The following RAB3GAP2 variants were observed in gnomAD, a reference collection of about 807,000 sequenced individuals.
The protein encoded by RAB3GAP2 is RAB3 GTPase activating non-catalytic protein subunit 2.
Under a neutral mutation model 185.3 loss-of-function variants are expected in RAB3GAP2, and 87 were observed. That is an observed-to-expected ratio of 0.47 (90% CI 0.39 to 0.56). RAB3GAP2 has a LOEUF of 0.56. Among genes scored for constraint, RAB3GAP2 ranks in the 20% least tolerant of loss-of-function variants. The probability of loss-of-function intolerance (pLI) is 0.00; values close to 1 mark genes in which losing one functional copy is unlikely to be tolerated. For synonymous variants in RAB3GAP2, 554 were observed against 576.1 expected, an observed-to-expected ratio of 0.96 and a Z score of 0.55; for missense variants, 1,492 against 1,638.2, an observed-to-expected ratio of 0.91 and a Z score of 1.54.
chr1:220,226,775 C>T (rs1450362569), intron 2 of RAB3GAP2, among the ~76,000 whole-genome samples: 2 of 152,120 alleles, frequency 1.3e-5, no homozygotes, highest in Admixed American at 1.3e-4. Context: ...TGCCCCCACC[C>T]CAATTCATAT....
intron 1 of RAB3GAP2, among the ~76,000 whole-genome samples, chr1:220,250,486 TTTGGAC>T (rs1659912634): frequency 6.6e-6 from 1 of 152,226 alleles, no homozygotes; most frequent in Admixed American, 6.5e-5. Flanking sequence ...GAGATGATAC[TTTGGAC>T]TTGAACATTT....
Position 220,185,952 on chromosome 1 carries a change from A to G in RAB3GAP2, c.1780-211T>C, listed in dbSNP as rs540504102. Among the ~76,000 whole-genome samples, 4 of 152,344 alleles carry G rather than the reference A, an allele frequency of 2.6e-5. No homozygotes were observed. In the East Asian group the frequency reaches 7.7e-4, roughly 29 times the overall value. ...TCATGCCAAATATGACATAAATGAC[A>G]AAAATCCAGGCTGAGAATAAAACAA... On this transcript the variant is annotated intron_variant, in intron 17 of 34. Coordinates refer to ENST00000358951, the MANE Select transcript of RAB3GAP2 (RefSeq NM_012414.4).
chr1:220,215,000 T>C (rs1659163794), intron 2 of RAB3GAP2, among the ~76,000 whole-genome samples: 1 of 138,226 alleles, frequency 7.2e-6, no homozygotes, highest in African/African-American at 2.7e-5. Context: ...CTTTTTTCTC[T>C]TAACATATTC....
At position 220,257,806 on chromosome 1, in the gene RAB3GAP2, A is replaced by G. The variant is rs1403983060; in HGVS notation, c.115+14417T>C. ...CATTCAGGAGCTGGTTTTTTAAAAA[A>G]ATTAATAAAATAGATAGAACTCTAG... On this transcript the variant is annotated intron_variant, in intron 1 of 34. Transcript: ENST00000358951. Among the ~76,000 whole-genome samples the G allele has an allele frequency of 3.3e-5, 5 of 152,074 alleles. No individual in the cohort carries two copies. In the East Asian group the frequency reaches 7.7e-4, roughly 23 times the overall value.
intron 17 of RAB3GAP2, among the ~76,000 whole-genome samples, chr1:220,187,103 A>G (rs553636332): frequency 6.6e-6 from 1 of 151,466 alleles, no homozygotes; most frequent in Non-Finnish European, 1.5e-5. Context: ...ACTATTCACT[A>G]AATTCTCCCA....
chr1:220,220,478 G>C (rs986741007), intron 2 of RAB3GAP2: 1 of 152,446 alleles, frequency 6.6e-6, no homozygotes, highest in Non-Finnish European at 1.5e-5. Context: ...GCATCATCAC[G>C]AGTAGGATCC....
intron 21 of RAB3GAP2, among the ~76,000 whole-genome samples, chr1:220,181,014 G>A (rs1027160488): frequency 6.6e-6 from 1 of 151,976 alleles, no homozygotes; most frequent in Non-Finnish European, 1.5e-5. Flanking sequence ...TTCCCTCAAC[G>A]GTACAGTTTT....
intron 21 of RAB3GAP2, among the ~76,000 whole-genome samples, chr1:220,174,007 G>A (rs868255696): frequency 1.0e-4 from 14 of 134,096 alleles, no homozygotes; most frequent in Admixed American, 7.4e-4. Context: ...GCTACAGAGC[G>A]AGACTCTGTC....
chr1:220,249,018 T>C (rs1345009620), intron 1 of RAB3GAP2, among the ~76,000 whole-genome samples: 1 of 152,224 alleles, frequency 6.6e-6, no homozygotes, highest in African/African-American at 2.4e-5. Flanking sequence ...GTCTCAGGTA[T>C]GTCCTGATGG....
chr1:220,234,859 G>A (rs1433699616), intron 1 of RAB3GAP2, among the ~76,000 whole-genome samples: 1 of 152,180 alleles, frequency 6.6e-6, no homozygotes, highest in African/African-American at 2.4e-5. Flanking sequence ...GAATGAAAGA[G>A]GCAGAAAGAT....
At chr1:220,184,245 A>G in intron 18 of RAB3GAP2, 82 bp from the exon 19 acceptor site, 2 of 1,275,962 alleles carry the variant, frequency 1.6e-6, no homozygotes, top group Non-Finnish European at 1.1e-6. Flanking sequence ...AAATCTCTCA[A>G]TATTATGTAA....
intron 18 of RAB3GAP2, 63 bp from the exon 19 acceptor site, chr1:220,184,226 G>C: frequency 4.2e-6 from 6 of 1,442,710 alleles, no homozygotes; most frequent in Non-Finnish European, 4.8e-6. Context: ...AACAGGCTTT[G>C]CTTTCATTAA....
At chr1:220,254,811 G>C (rs761865729) in intron 1 of RAB3GAP2, among the ~76,000 whole-genome samples, 3 of 151,584 alleles carry the variant, frequency 2.0e-5, no homozygotes, top group Non-Finnish European at 2.9e-5. Flanking sequence ...TGACAAAGCT[G>C]CTTTTGAATG....
At chr1:220,254,947 T>C (rs1354230435) in intron 1 of RAB3GAP2, among the ~76,000 whole-genome samples, 3 of 148,916 alleles carry the variant, frequency 2.0e-5, no homozygotes, top group Middle Eastern at 6.3e-3. Flanking sequence ...ACTCATCCAT[T>C]TGTGCTTTTT....
intron 2 of RAB3GAP2, among the ~76,000 whole-genome samples, chr1:220,224,043 ATCTTT>A (rs1026277106): frequency 6.6e-6 from 1 of 150,832 alleles, no homozygotes; most frequent in African/African-American, 2.4e-5. Flanking sequence ...AAATGTATAT[ATCTTT>A]TGAATTTATT....
chr1:220,152,050 A>G (rs1235817278), intron 33 of RAB3GAP2, among the ~76,000 whole-genome samples: 2 of 151,882 alleles, frequency 1.3e-5, no homozygotes, highest in Non-Finnish European at 2.9e-5. Flanking sequence ...GTTTCATGTC[A>G]TGTCTATTTG....
intron 1 of RAB3GAP2, among the ~76,000 whole-genome samples, chr1:220,264,425 T>C (rs1009685317): frequency 3.3e-5 from 5 of 152,068 alleles, no homozygotes; most frequent in Admixed American, 1.3e-4. Flanking sequence ...AGCAACTTAC[T>C]ATAATAAGAC....
chr1:220,232,359 G>A (rs933265182), intron 2 of RAB3GAP2, among the ~76,000 whole-genome samples: 1 of 152,160 alleles, frequency 6.6e-6, no homozygotes, highest in African/African-American at 2.4e-5. Context: ...GAGGGAGTAG[G>A]TTCCTTATTG....
At chr1:220,208,260 T>C (rs1659007339) in intron 7 of RAB3GAP2, 1 of 152,248 alleles carries the variant, frequency 6.6e-6, no homozygotes, top group African/African-American at 2.4e-5. Context: ...AAAACATCTC[T>C]GGAAAGTTAT....
Sources: allele counts gnomAD v4.1 joint callset (sites outside exome capture counted in the v4.1 genomes callset), GRCh38; gene constraint gnomAD v4.1.1; transcripts MANE v1.5; gene names NCBI Gene and HGNC (gene_info 2026-07-23, HGNC 2026-07-21).